RERE: variants seen among roughly 807,000 people sequenced by gnomAD.
RERE encodes arginine-glutamic acid dipeptide repeats.
In RERE, 40 loss-of-function variants were observed where a neutral mutation model predicts 146.1. That is an observed-to-expected ratio of 0.27 (90% CI 0.21 to 0.36). The LOEUF is 0.36. Among genes scored for constraint, RERE ranks in the 10% least tolerant of loss-of-function variants. The probability of loss-of-function intolerance (pLI) is 1.00; values close to 1 mark genes in which losing one functional copy is unlikely to be tolerated. For synonymous variants in RERE, 1,003 were observed against 866.0 expected (o/e 1.16, Z -2.78); for missense variants, 1,933 against 2,138.7 (o/e 0.90, Z 1.90).
intron 7 of RERE, among the ~76,000 whole-genome samples, chr1:8,539,825 T>C (rs1324430508): frequency 6.6e-6 from 1 of 151,976 alleles, no homozygotes; most frequent in Non-Finnish European, 1.5e-5. Context: ...CATCCAATAT[T>C]GAGAGGAAGA....
chr1:8,377,783 C>T (rs565815172), intron 12 of RERE, among the ~76,000 whole-genome samples: 65 of 151,922 alleles, frequency 4.3e-4, no homozygotes, highest in Non-Finnish European at 8.4e-4. Context: ...GCGGGACGAA[C>T]GATGAAGGAT....
chr1:8,635,953 TTATCTTATCTTATCTTATC>T (rs1557448242), intron 2 of RERE, among the ~76,000 whole-genome samples: 1,043 of 41,604 alleles, frequency 0.025, 17 homozygotes, highest in African/African-American at 0.054. Flanking sequence ...TTATTTTATC[TTATCTTATCTTATCTTATC>T]TTATCTTATT....
chr1:8,532,868 T>A (rs1645675480), intron 7 of RERE, among the ~76,000 whole-genome samples: 1 of 152,108 alleles, frequency 6.6e-6, no homozygotes, highest in East Asian at 1.9e-4. Flanking sequence ...GTGGTGGGAT[T>A]ACAGGCATAA....
At chr1:8,493,332 A>C (rs1645002064) in intron 10 of RERE, among the ~76,000 whole-genome samples, 1 of 152,184 alleles carries the variant, frequency 6.6e-6, no homozygotes, top group African/African-American at 2.4e-5. Context: ...CTAACCAACA[A>C]AAAAATCCCC....
intron 2 of RERE, among the ~76,000 whole-genome samples, chr1:8,632,349 A>G (rs1647045647): frequency 6.6e-6 from 1 of 152,222 alleles, no homozygotes; most frequent in Non-Finnish European, 1.5e-5. Context: ...TTTTCAGAAA[A>G]CAATGCACTA....
chr1:8,634,130 A>G (rs941718807), intron 2 of RERE, among the ~76,000 whole-genome samples: 17 of 152,150 alleles, frequency 1.1e-4, no homozygotes, highest in African/African-American at 4.1e-4. Context: ...TCCTATAGAC[A>G]CATTCAATCA....
Position 8,767,973 on chromosome 1 carries a change from A to G in RERE, c.-145+49187T>C, listed in dbSNP as rs567865485. Reference sequence around the variant, plus strand: ...AGAGCGAAACTTTGTCTCCAAATATAATATAATAATAAAATAAAATAAAAA... The same window carrying G: ...AGAGCGAAACTTTGTCTCCAAATATGATATAATAATAAAATAAAATAAAAA... On this transcript the variant is annotated intron_variant, in intron 1 of 22. Coordinates refer to ENST00000400908, the MANE Select transcript of RERE (RefSeq NM_001042681.2). Among the ~76,000 whole-genome samples, 56 of 152,126 alleles carry G rather than the reference A, an allele frequency of 3.7e-4. No individual in the cohort carries two copies. In the South Asian group the frequency reaches 3.9e-3, roughly 11 times the overall value.
At chr1:8,391,091 G>A (rs1642869395) in intron 12 of RERE, among the ~76,000 whole-genome samples, 1 of 152,030 alleles carries the variant, frequency 6.6e-6, no homozygotes, top group Non-Finnish European at 1.5e-5. Flanking sequence ...ATTCCACACT[G>A]TGTCTTAAAA....
At chr1:8,355,195 A>G in intron 22 of RERE, 75 bp from the exon 23 acceptor site, 4 of 1,489,122 alleles carry the variant, frequency 2.7e-6, no homozygotes, top group Non-Finnish European at 3.7e-6. Context: ...AGGCAACCCC[A>G]AAGACAACAG....
At chr1:8,578,732 G>T (rs980274646) in intron 4 of RERE, among the ~76,000 whole-genome samples, 1 of 152,118 alleles carries the variant, frequency 6.6e-6, no homozygotes, top group Non-Finnish European at 1.5e-5. Flanking sequence ...TTAGGGGGTT[G>T]TTGGCCTTTT....
intron 10 of RERE, among the ~76,000 whole-genome samples, chr1:8,486,854 G>A (rs2092861): frequency 0.049 from 7,433 of 151,196 alleles, 603 homozygotes; most frequent in African/African-American, 0.17. Context: ...AACATTTGAT[G>A]TAGAAAGTAA....
intron 1 of RERE, among the ~76,000 whole-genome samples, chr1:8,800,095 T>G (rs1235814519): frequency 6.6e-6 from 1 of 152,090 alleles, no homozygotes; most frequent in African/African-American, 2.4e-5. Context: ...ATTACAGGCG[T>G]GAGCCACCGC....
At chr1:8,468,340 T>A (rs1341447067) in intron 10 of RERE, among the ~76,000 whole-genome samples, 1 of 152,230 alleles carries the variant, frequency 6.6e-6, no homozygotes, top group Non-Finnish European at 1.5e-5. Flanking sequence ...CAGATTCTCA[T>A]ACTTTGCCTA....
At position 8,358,397 on chromosome 1, in the gene RERE, C is replaced by A; in HGVS notation, c.4138G>T (p.Ala1380Ser). Residue 1380 changes from alanine to serine, a missense_variant, in exon 20 of 23, where the codon GCC becomes TCC. By Grantham distance (99) the Ala-to-Ser change is moderately conservative. Coordinates refer to ENST00000400908, the MANE Select transcript of RERE (RefSeq NM_001042681.2). ...GLNPLERERL[A>S]LAGPQLRPEM... ...GGCCGCAGCTGGGGGCCCGCCAGGG[C>A]CAGTCTCTCCCTCTCCAAGGGGTTC... The A allele has an allele frequency of 1.9e-6, 3 of 1,606,772 alleles. No individual in the cohort carries two copies. Among genetic ancestry groups the A allele is most frequent in the Non-Finnish European group, 2.6e-6 (3 of 1,175,562 alleles).
intron 3 of RERE, 53 bp downstream of exon 3, chr1:8,624,257 C>G: frequency 7.3e-7 from 1 of 1,371,300 alleles, no homozygotes; most frequent in Admixed American, 1.7e-5. Flanking sequence ...GCCAATGGAA[C>G]TGGAAAAAGA....
At chr1:8,401,305 T>C (rs1643256675) in intron 12 of RERE, among the ~76,000 whole-genome samples, 1 of 151,756 alleles carries the variant, frequency 6.6e-6, no homozygotes, top group South Asian at 2.1e-4. Flanking sequence ...AATGTGACCT[T>C]GTAACTCCCC....
At chr1:8,668,177 AC>A (rs1408154238) in intron 1 of RERE, among the ~76,000 whole-genome samples, 10 of 152,236 alleles carry the variant, frequency 6.6e-5, no homozygotes, top group African/African-American at 2.2e-4. Context: ...AAACACCATT[AC>A]GAAAACTATA....
intron 10 of RERE, among the ~76,000 whole-genome samples, chr1:8,493,757 C>T (rs939720396): frequency 2.0e-5 from 3 of 152,032 alleles, no homozygotes; most frequent in African/African-American, 7.2e-5. Flanking sequence ...GCTTAAATGA[C>T]ATTTGGTTAA....
chr1:8,481,142 G>C (rs1349867820), intron 10 of RERE, among the ~76,000 whole-genome samples: 1 of 152,054 alleles, frequency 6.6e-6, no homozygotes, highest in African/African-American at 2.4e-5. Context: ...TTCTGAGACG[G>C]GGTCTCGCTC....
Sources: gnomAD v4.1 joint callset for allele counts (sites outside exome capture counted in the v4.1 genomes callset) on GRCh38, gnomAD v4.1.1 for gene constraint, MANE v1.5 for transcripts, NCBI Gene and HGNC (gene_info 2026-07-23, HGNC 2026-07-21) for gene names.